Variants in GMDS observed in about 807,000 individuals in gnomAD.
GMDS encodes the protein GDP-mannose 4,6 dehydratase.
A neutral mutation model predicts 49.9 loss-of-function variants in GMDS; 20 were observed. That is an observed-to-expected ratio of 0.40 (90% CI 0.28 to 0.58). The LOEUF is 0.58. Ranked by LOEUF, GMDS falls within the 20% of genes least tolerant of loss-of-function variation. The pLI, the probability that GMDS is intolerant of heterozygous loss-of-function variation, is 0.42. For missense variants in GMDS, 362 were observed against 481.4 expected, an observed-to-expected ratio of 0.75 and a Z score of 2.32; for synonymous variants, 177 against 178.6, an observed-to-expected ratio of 0.99 and a Z score of 0.07.
rs536065126 is a variant in GMDS at position 1,918,705 on chromosome 6, T to C, written c.771+11398A>G. ...TCAAGGCTGCAGTGAGCCAAAATCA[T>C]GCCACTGCACTCCAGTATGGGTGAC... On this transcript the variant is annotated intron_variant, in intron 7 of 10. Coordinates refer to ENST00000380815, the MANE Select transcript of GMDS (RefSeq NM_001500.4). Among the ~76,000 whole-genome samples the C allele has an allele frequency of 2.6e-5, 4 of 152,274 alleles. No homozygotes were observed. In the South Asian group the frequency reaches 8.3e-4, roughly 32 times the overall value.
intron 4 of GMDS, among the ~76,000 whole-genome samples, chr6:1,990,757 G>A (rs928065869): frequency 3.5e-5 from 3 of 85,608 alleles, no homozygotes; most frequent in East Asian, 3.0e-4. Flanking sequence ...TTTTTTTTTG[G>A]GGGGGTAGAG....
At chr6:1,857,068 G>A (rs192968783) in intron 7 of GMDS, among the ~76,000 whole-genome samples, 1 of 152,314 alleles carries the variant, frequency 6.6e-6, no homozygotes, top group African/African-American at 2.4e-5. Flanking sequence ...GCTTTCCAGA[G>A]GGAATGAGCA....
intron 4 of GMDS, among the ~76,000 whole-genome samples, chr6:2,082,320 A>G (rs566423181): frequency 6.6e-6 from 1 of 152,322 alleles, no homozygotes; most frequent in Admixed American, 6.5e-5. Context: ...AAAGTAAGGC[A>G]GCACAAAGAA....
At chr6:2,233,748 G>C (rs912411179) in intron 1 of GMDS, among the ~76,000 whole-genome samples, 2 of 152,132 alleles carry the variant, frequency 1.3e-5, no homozygotes, top group African/African-American at 2.4e-5. Flanking sequence ...TGATCCCGGT[G>C]GGGGGCGCCG....
chr6:1,673,336 C>T (rs1185901561), intron 9 of GMDS, among the ~76,000 whole-genome samples: 8 of 150,480 alleles, frequency 5.3e-5, no homozygotes, highest in African/African-American at 1.2e-4. Context: ...TTTTCAACTT[C>T]GTGACTTCTC....
At chr6:1,835,508 T>A (rs916753434) in intron 7 of GMDS, among the ~76,000 whole-genome samples, 1 of 152,234 alleles carries the variant, frequency 6.6e-6, no homozygotes, top group African/African-American at 2.4e-5. Context: ...GAAGGAGATA[T>A]GTCACTATAA....
At chr6:1,981,193 G>C (rs1401393055) in intron 4 of GMDS, among the ~76,000 whole-genome samples, 1 of 150,464 alleles carries the variant, frequency 6.6e-6, no homozygotes, top group East Asian at 1.9e-4. Flanking sequence ...ACCAAGATCA[G>C]AGCTGAACTA....
intron 7 of GMDS, among the ~76,000 whole-genome samples, chr6:1,929,630 G>T (rs1293155287): frequency 6.6e-6 from 1 of 151,408 alleles, no homozygotes; most frequent in Non-Finnish European, 1.5e-5. Flanking sequence ...AGAAGTGTGT[G>T]ATGTAATAAC....
At chr6:2,175,771 GTAAT>G (rs1378896313) in intron 1 of GMDS, among the ~76,000 whole-genome samples, 5 of 152,256 alleles carry the variant, frequency 3.3e-5, no homozygotes, top group African/African-American at 4.8e-5. Context: ...AACAATAAGA[GTAAT>G]TATTATTTTT....
intron 1 of GMDS, among the ~76,000 whole-genome samples, chr6:2,219,088 C>T (rs751075478): frequency 2.6e-5 from 4 of 152,078 alleles, no homozygotes; most frequent in Non-Finnish European, 5.9e-5. Context: ...CAGAGCAAGA[C>T]CCTGTGTGAA....
chr6:2,235,365 C>A (rs191351952), intron 1 of GMDS, among the ~76,000 whole-genome samples: 62 of 152,300 alleles, frequency 4.1e-4, no homozygotes, highest in Non-Finnish European at 6.8e-4. Context: ...CCTATACATA[C>A]AGGGAAATAT....
intron 7 of GMDS, among the ~76,000 whole-genome samples, chr6:1,757,635 G>A (rs945044091): frequency 1.3e-5 from 2 of 152,114 alleles, no homozygotes; most frequent in Non-Finnish European, 2.9e-5. Flanking sequence ...TCTGACCTTG[G>A]GAATTTAACC....
chr6:1,635,874 G>C lies in GMDS; in HGVS notation c.988-11334C>G, dbSNP rs1027007989. ...CCAGCCTCGGCACCTCCAGCACTGC[G>C]TCTGGGAGCTGCTCTTCTCTGCTCT... On this transcript the variant is annotated intron_variant, in intron 9 of 10. Coordinates refer to ENST00000380815, the MANE Select transcript of GMDS (RefSeq NM_001500.4). The surrounding 1 kb of genome is among the most constrained non-coding windows in gnomAD (Gnocchi z 4.7). Among the ~76,000 whole-genome samples the C allele has an allele frequency of 6.6e-6, 1 of 152,212 alleles. No individual in the cohort carries two copies. The highest frequency in any genetic ancestry group is 2.4e-5 in the African/African-American group (1 of 41,456).
intron 7 of GMDS, among the ~76,000 whole-genome samples, chr6:1,798,538 G>T (rs1438978601): frequency 6.6e-6 from 1 of 152,204 alleles, no homozygotes; most frequent in East Asian, 1.9e-4. Context: ...GCTGGAATGT[G>T]AGTGAGGCCC....
chr6:1,631,121 G>A (rs904806467), intron 9 of GMDS, among the ~76,000 whole-genome samples: 4 of 152,140 alleles, frequency 2.6e-5, no homozygotes, highest in Non-Finnish European at 5.9e-5. Context: ...TTGTGACATC[G>A]CTGGCAAGTG....
At chr6:2,237,138 T>C (rs2127599031) in intron 1 of GMDS, among the ~76,000 whole-genome samples, 1 of 152,336 alleles carries the variant, frequency 6.6e-6, no homozygotes, top group African/African-American at 2.4e-5. Context: ...CTCAAGTCTA[T>C]GTAACTCAAT....
chr6:1,764,952 TTC>T (rs1768292196), intron 7 of GMDS, among the ~76,000 whole-genome samples: 1 of 152,190 alleles, frequency 6.6e-6, no homozygotes, highest in African/African-American at 2.4e-5. Flanking sequence ...CTGTCTTTTT[TTC>T]TGAGTAGGGA....
chr6:2,150,256 T>C lies in GMDS; in HGVS notation c.103-25525A>G, dbSNP rs926963331. ...TTCTGATCAAGGTGAAATAAATTAA[T>C]GATTTCACTAAGGCCAGATGCAGTG... On this transcript the variant is annotated intron_variant, in intron 1 of 10. Transcript: ENST00000380815. Among the ~76,000 whole-genome samples the C allele has an allele frequency of 4.6e-5, 7 of 152,134 alleles. No homozygotes were observed. In the East Asian group the frequency reaches 9.6e-4, roughly 21 times the overall value.
intron 1 of GMDS, among the ~76,000 whole-genome samples, chr6:2,137,655 G>A (rs1421424111): frequency 1.3e-5 from 2 of 152,126 alleles, no homozygotes; most frequent in African/African-American, 2.4e-5. Flanking sequence ...TTTAAGTACT[G>A]AATACTTGGG....
Sources: allele counts gnomAD v4.1 joint callset (sites outside exome capture counted in the v4.1 genomes callset), GRCh38; gene constraint gnomAD v4.1.1; non-coding constraint Gnocchi (gnomAD v3.1); transcripts MANE v1.5; gene names NCBI Gene and HGNC (gene_info 2026-07-23, HGNC 2026-07-21).